PRKN: variants seen among roughly 807,000 people sequenced by gnomAD.
PRKN encodes E3 ubiquitin-protein ligase parkin.
Under a neutral mutation model 59.5 loss-of-function variants are expected in PRKN, and 56 were observed. The observed-to-expected ratio is 0.94, with a 90% CI of 0.76 to 1.18. The LOEUF (loss-of-function observed/expected upper bound fraction) is 1.18, where lower values mean the gene tolerates loss of function less well. Among genes scored for constraint, PRKN ranks in the 50% most tolerant of loss-of-function variants. PRKN has a pLI of 0.00. For synonymous variants in PRKN, 250 were observed against 222.1 expected (o/e 1.13, Z -1.12); for missense variants, 657 against 596.4 (o/e 1.10, Z -1.06).
chr6:161,728,193 C>T (rs1787526609), intron 7 of PRKN, among the ~76,000 whole-genome samples: 1 of 151,848 alleles, frequency 6.6e-6, no homozygotes, highest in South Asian at 2.1e-4. Flanking sequence ...TCTCTCAGTT[C>T]TCAGCAGGTG....
intron 6 of PRKN, among the ~76,000 whole-genome samples, chr6:161,817,668 T>C (rs1380607341): frequency 6.6e-6 from 1 of 152,012 alleles, no homozygotes; most frequent in Non-Finnish European, 1.5e-5. Context: ...AATGTATCAA[T>C]ACTTGTCATT....
chr6:162,573,540 T>C (rs989397602), intron 1 of PRKN, among the ~76,000 whole-genome samples: 1 of 152,248 alleles, frequency 6.6e-6, no homozygotes. Flanking sequence ...TCTTTTGTTA[T>C]AAAATTATTT....
chr6:161,633,572 T>G (rs1383098004), intron 7 of PRKN, among the ~76,000 whole-genome samples: 1 of 152,242 alleles, frequency 6.6e-6, no homozygotes, highest in African/African-American at 2.4e-5. Context: ...CACATCATAC[T>G]GTGGATATTA....
chr6:161,374,276 GTGTATGTATGTGTGTGTGGTA>G (rs1785558685), intron 10 of PRKN, among the ~76,000 whole-genome samples: 1 of 151,778 alleles, frequency 6.6e-6, no homozygotes, highest in African/African-American at 2.4e-5. Context: ...TGTGTGTGGT[GTGTATGTATGTGTGTGTGGTA>G]TATGTGGTGC....
At chr6:162,210,081 AC>A (rs1395222666) in intron 3 of PRKN, among the ~76,000 whole-genome samples, 3 of 149,594 alleles carry the variant, frequency 2.0e-5, no homozygotes, top group Admixed American at 2.0e-4. Context: ...GTGCACATGC[AC>A]CCTATAACTT....
At chr6:161,432,355 A>ATTTTTTT (rs1188841520) in intron 9 of PRKN, among the ~76,000 whole-genome samples, 1 of 92,184 alleles carries the variant, frequency 1.1e-5, no homozygotes, top group Non-Finnish European at 2.0e-5. Context: ...ACTTCCTCTG[A>ATTTTTTT]TTTTTTTTTT....
intron 4 of PRKN, among the ~76,000 whole-genome samples, chr6:162,200,156 C>T (rs1784661878): frequency 6.6e-6 from 1 of 152,150 alleles, no homozygotes; most frequent in African/African-American, 2.4e-5. Context: ...CACTTGCACA[C>T]CTGACTGCCC....
At chr6:162,678,682 G>A (rs1445108191) in intron 1 of PRKN, among the ~76,000 whole-genome samples, 1 of 152,152 alleles carries the variant, frequency 6.6e-6, no homozygotes, top group Non-Finnish European at 1.5e-5. Context: ...TCTTTAAATA[G>A]TCTAAATATA....
intron 4 of PRKN, among the ~76,000 whole-genome samples, chr6:162,160,010 C>T (rs1782686445): frequency 6.6e-6 from 1 of 151,968 alleles, no homozygotes; most frequent in Non-Finnish European, 1.5e-5. Flanking sequence ...GAATGTAACA[C>T]CAAAAGAATG....
rs182714924 is a variant in PRKN, at chr6:161,537,699, C to T, written c.1083+11155G>A. On this transcript the variant is annotated intron_variant, in intron 9 of 11. Transcript: ENST00000366898. The stretch of plus-strand genomic sequence containing the variant: ...ATCTCCTGACCTCGTGATCCGCCCG[C>T]CTTAGCCTCCCAAAGTGCTGGGATT... Among the ~76,000 whole-genome samples, 1,475 of 152,300 alleles carry T rather than the reference C, an allele frequency of 9.7e-3. 32 individuals carry two copies. Among genetic ancestry groups the T allele is most frequent in the African/African-American group, 0.034 (1,417 of 41,574 alleles).
chr6:162,272,113 C>T (rs111508676), intron 2 of PRKN, among the ~76,000 whole-genome samples: 4,733 of 149,062 alleles, frequency 0.032, 227 homozygotes, highest in African/African-American at 0.11. Context: ...CCATAGGGGG[C>T]GGGAGGGGGG....
At chr6:162,550,384 A>T (rs1779290790) in intron 1 of PRKN, among the ~76,000 whole-genome samples, 1 of 152,158 alleles carries the variant, frequency 6.6e-6, no homozygotes, top group African/African-American at 2.4e-5. Flanking sequence ...GTCATTAGGT[A>T]AATTCTTATG....
intron 1 of PRKN, chr6:162,727,314 A>AAGGGGAGGGGCGGCGGCGGGGCGC: frequency 2.8e-6 from 1 of 352,166 alleles, no homozygotes; most frequent in Non-Finnish European, 5.1e-6. Context: ...CGGCGGGGCG[A>AAGGGGAGGGGCGGCGGCGGGGCGC]AGGTGAGGGG....
rs111737760 is a variant in PRKN, at chr6:161,447,995, AT to A, written c.1084-61119del. Among the ~76,000 whole-genome samples, 897 of 152,294 alleles carry A rather than the reference AT, an allele frequency of 5.9e-3. 4 individuals are homozygous for A. The highest frequency in any genetic ancestry group is 0.021 in the African/African-American group (860 of 41,558). ...GACCTTAACCAGACTTATAGCCTTC[AT>A]TCAAACCAGACTGAATGATGTGGGA... On this transcript the variant is annotated intron_variant, in intron 9 of 11. Coordinates refer to ENST00000366898, the MANE Select transcript of PRKN (RefSeq NM_004562.3). The surrounding 1 kb of genome is among the most constrained non-coding windows in gnomAD (Gnocchi z 4.1).
rs544258261 is a variant in PRKN at position 162,258,362 on chromosome 6, G to A, written c.412+4163C>T. Among the ~76,000 whole-genome samples the A allele has an allele frequency of 2.6e-5, 4 of 152,186 alleles. No homozygotes were observed. In the East Asian group the frequency reaches 7.7e-4, roughly 29 times the overall value. On this transcript the variant is annotated intron_variant, in intron 3 of 11. Transcript: ENST00000366898. Reference sequence around the variant, plus strand: ...TTATGTAGTTCGTTAACTGTATGACGGATATTGGAGGAGCCTCCTATTTTT... The same window carrying A: ...TTATGTAGTTCGTTAACTGTATGACAGATATTGGAGGAGCCTCCTATTTTT...
chr6:162,708,618 T>G (rs1778416479), intron 1 of PRKN, among the ~76,000 whole-genome samples: 1 of 152,236 alleles, frequency 6.6e-6, no homozygotes, highest in South Asian at 2.1e-4. Context: ...TCTCCCACTT[T>G]GAAAATATCT....
intron 3 of PRKN, among the ~76,000 whole-genome samples, chr6:162,218,461 G>A (rs1024534587): frequency 1.3e-5 from 2 of 152,140 alleles, no homozygotes; most frequent in African/African-American, 4.8e-5. Flanking sequence ...CATGGCAGCC[G>A]GGGCTGGAAA....
intron 1 of PRKN, among the ~76,000 whole-genome samples, chr6:162,605,674 G>C (rs1408870082): frequency 6.6e-6 from 1 of 152,056 alleles, no homozygotes; most frequent in East Asian, 1.9e-4. Flanking sequence ...TACTTATATA[G>C]ACATATATGT....
At chr6:162,048,019 T>A (rs1777451330) in intron 5 of PRKN, among the ~76,000 whole-genome samples, 1 of 152,198 alleles carries the variant, frequency 6.6e-6, no homozygotes, top group Admixed American at 6.5e-5. Context: ...AGTATCTAAT[T>A]TCATTTGAAA....
Sources: gnomAD v4.1 joint callset for allele counts (sites outside exome capture counted in the v4.1 genomes callset) on GRCh38, gnomAD v4.1.1 for gene constraint, Gnocchi (gnomAD v3.1) non-coding constraint, MANE v1.5 for transcripts, NCBI Gene and HGNC (gene_info 2026-07-23, HGNC 2026-07-21) for gene names.